The following CREB5 variants were observed in gnomAD, a reference collection of about 807,000 sequenced individuals.
The protein encoded by CREB5 is cyclic AMP-responsive element-binding protein 5.
A neutral mutation model predicts 57.1 loss-of-function variants in CREB5; 19 were observed. The observed-to-expected ratio is 0.33, with a 90% CI of 0.23 to 0.49. CREB5 has a LOEUF of 0.49. CREB5 is among the 20% of genes least tolerant of loss of function. The pLI is 0.99. For synonymous variants in CREB5, 238 were observed against 238.3 expected, an observed-to-expected ratio of 1.00 and a Z score of 0.01; for missense variants, 579 against 671.6, an observed-to-expected ratio of 0.86 and a Z score of 1.52.
chr7:28,520,168 T>C (rs1405348161), intron 4 of CREB5, among the ~76,000 whole-genome samples: 2 of 152,246 alleles, frequency 1.3e-5, no homozygotes, highest in Admixed American at 6.5e-5. Flanking sequence ...GCTAAGTAGG[T>C]ACTACTTCAA....
chr7:28,480,690 G>A (rs1184094903), intron 1 of CREB5, among the ~76,000 whole-genome samples: 1 of 152,152 alleles, frequency 6.6e-6, no homozygotes, highest in Non-Finnish European at 1.5e-5. Context: ...CCACACACAT[G>A]TCAAATAAAC....
At chr7:28,692,171 G>A (rs1176007873) in intron 5 of CREB5, among the ~76,000 whole-genome samples, 1 of 121,086 alleles carries the variant, frequency 8.3e-6, no homozygotes, top group East Asian at 2.4e-4. Flanking sequence ...GGATCACAGA[G>A]CGAGACTCCG....
rs567658298 is a variant in CREB5, at chr7:28,403,587, C to T, written c.-24-91319C>T. On this transcript the variant is annotated intron_variant, in intron 1 of 9. Coordinates refer to the CREB5 transcript ENST00000396299. ...CTTCAGAGAGGTAAAAAAAAATTGG[C>T]CCTGATCACACACCTAGTAAGTGAC... Among the ~76,000 whole-genome samples the T allele has an allele frequency of 3.3e-5, 5 of 152,164 alleles. No individual in the cohort carries two copies. In the South Asian group the frequency reaches 6.2e-4, roughly 19 times the overall value.
intron 7 of CREB5, among the ~76,000 whole-genome samples, chr7:28,754,938 T>C (rs762091287): frequency 6.6e-6 from 1 of 152,160 alleles, no homozygotes; most frequent in Non-Finnish European, 1.5e-5. Context: ...CCTGGAAAAC[T>C]TTCACACCTG....
chr7:28,638,189 C>A (rs1000387281), intron 5 of CREB5, among the ~76,000 whole-genome samples: 2 of 151,328 alleles, frequency 1.3e-5, no homozygotes, highest in African/African-American at 4.9e-5. Flanking sequence ...TAATATGGAA[C>A]AATCACTGCA....
At chr7:28,709,714 C>T (rs922665483) in intron 5 of CREB5, among the ~76,000 whole-genome samples, 9 of 151,788 alleles carry the variant, frequency 5.9e-5, no homozygotes, top group African/African-American at 1.9e-4. Flanking sequence ...AAGAAGTTAT[C>T]GTTTGCAAAA....
Position 28,823,445 on chromosome 7 carries a change from G to T in CREB5, c.*4166G>T, listed in dbSNP as rs922750761. 1 of 152,498 alleles carries T rather than the reference G, an allele frequency of 6.6e-6. No individual in the cohort carries two copies. Among genetic ancestry groups the T allele is most frequent in the Non-Finnish European group, 1.5e-5 (1 of 68,014 alleles). 9.4% of individuals were successfully genotyped at this position (152,498 alleles called of 1,614,324 possible). A position where few individuals can be genotyped will look rare whatever the true frequency, so the allele number is the denominator to read the frequency against. On this transcript the variant is annotated 3_prime_UTR_variant, in exon 11 of 11. Transcript: ENST00000357727. The stretch of plus-strand genomic sequence containing the variant: ...CCATAATAAACTACTATAGTTATGT[G>T]TATTTTCATTTTTCAGGGTTTCAAA...
chr7:28,808,598 G>T (rs747516505), intron 8 of CREB5, among the ~76,000 whole-genome samples: 30 of 152,108 alleles, frequency 2.0e-4, no homozygotes, highest in Non-Finnish European at 3.7e-4. Context: ...GAGTGCAGTG[G>T]CACGATCATA....
At chr7:28,461,649 C>A (rs1341964511) in intron 1 of CREB5, among the ~76,000 whole-genome samples, 1 of 152,120 alleles carries the variant, frequency 6.6e-6, no homozygotes, top group Non-Finnish European at 1.5e-5. Flanking sequence ...GTGACAACTC[C>A]AATTTCATGT....
chr7:28,748,171 C>G (rs1358826016), intron 7 of CREB5, among the ~76,000 whole-genome samples: 23 of 152,178 alleles, frequency 1.5e-4, no homozygotes, highest in Non-Finnish European at 4.4e-5. Flanking sequence ...CAGCATAGAG[C>G]TCATGTGTAG....
At chr7:28,464,718 A>G (rs1790493394) in intron 1 of CREB5, among the ~76,000 whole-genome samples, 1 of 152,056 alleles carries the variant, frequency 6.6e-6, no homozygotes, top group African/African-American at 2.4e-5. Context: ...TTTAAAAAAA[A>G]AAAAAAGACT....
chr7:28,429,222 C>T (rs1029658968), intron 1 of CREB5, among the ~76,000 whole-genome samples: 1 of 151,996 alleles, frequency 6.6e-6, no homozygotes, highest in Non-Finnish European at 1.5e-5. Context: ...GATGGGGTTT[C>T]ACCATGTTGG....
At chr7:28,760,879 T>C (rs1250513328) in intron 7 of CREB5, among the ~76,000 whole-genome samples, 3 of 152,202 alleles carry the variant, frequency 2.0e-5, no homozygotes, top group African/African-American at 7.2e-5. Context: ...TTAGGTGTAA[T>C]AATAGTGCTT....
At chr7:28,690,680 A>G (rs1309658470) in intron 5 of CREB5, among the ~76,000 whole-genome samples, 1 of 152,086 alleles carries the variant, frequency 6.6e-6, no homozygotes, top group African/African-American at 2.4e-5. Context: ...CCTGGCACAT[A>G]GTGGGATGGT....
At position 28,550,032 on chromosome 7, in the gene CREB5, C is replaced by T. The variant is rs1422674888; in HGVS notation, c.292-20333C>T. 3.3e-5 allele frequency among the ~76,000 whole-genome samples: 5 copies of T among 152,232 alleles called. 1 individual carries two copies. Among genetic ancestry groups the T allele is most frequent in the Admixed American group, 1.3e-4 (2 of 15,284 alleles). Reference sequence around the variant, plus strand: ...TCATGACATCACTAAGCTTCAGGCTCGAAGATATTTTATCCATACTTTATG... The same window carrying T: ...TCATGACATCACTAAGCTTCAGGCTTGAAGATATTTTATCCATACTTTATG... On this transcript the variant is annotated intron_variant, in intron 4 of 10. Coordinates refer to ENST00000357727, the MANE Select transcript of CREB5 (RefSeq NM_182898.4).
At chr7:28,463,345 T>C (rs1295614228) in intron 1 of CREB5, among the ~76,000 whole-genome samples, 1 of 152,212 alleles carries the variant, frequency 6.6e-6, no homozygotes. Flanking sequence ...CTGTAATGAA[T>C]TTTGAAATCA....
chr7:28,404,284 G>T (rs1787533060), intron 1 of CREB5, among the ~76,000 whole-genome samples: 3 of 152,092 alleles, frequency 2.0e-5, no homozygotes. Flanking sequence ...GTAAGATAGG[G>T]TTCTTGGTTG....
chr7:28,373,640 G>C (rs1006182638), intron 1 of CREB5, among the ~76,000 whole-genome samples: 1 of 151,492 alleles, frequency 6.6e-6, no homozygotes, highest in Non-Finnish European at 1.5e-5. Flanking sequence ...TACCCAGGCT[G>C]GTCTCCAACT....
intron 1 of CREB5, among the ~76,000 whole-genome samples, chr7:28,416,249 G>A (rs138451538): frequency 2.3e-4 from 35 of 152,214 alleles, no homozygotes; most frequent in African/African-American, 8.2e-4. Context: ...CTCCTGTGTT[G>A]CAGGCATGAT....
Sources: gnomAD v4.1 joint callset for allele counts (sites outside exome capture counted in the v4.1 genomes callset) on GRCh38, gnomAD v4.1.1 for gene constraint, MANE v1.5 for transcripts, NCBI Gene and HGNC (gene_info 2026-07-23, HGNC 2026-07-21) for gene names.